The following MBNL1 variants were observed in gnomAD, a reference collection of about 807,000 sequenced individuals.
MBNL1 encodes the protein muscleblind-like protein 1.
In MBNL1, 8 loss-of-function variants were observed where a neutral mutation model predicts 42.2. The observed-to-expected ratio is 0.19, with a 90% confidence interval of 0.11 to 0.34. The LOEUF (loss-of-function observed/expected upper bound fraction) is 0.34. Among genes scored for constraint, MBNL1 ranks in the 10% least tolerant of loss-of-function variants. MBNL1 has a pLI of 1.00. For synonymous variants in MBNL1, 169 were observed against 173.9 expected (o/e 0.97, Z 0.22); for missense variants, 309 against 495.3 (o/e 0.62, Z 3.57).
At chr3:152,358,457 A>G (rs1195250546) in intron 2 of MBNL1, among the ~76,000 whole-genome samples, 2 of 152,192 alleles carry the variant, frequency 1.3e-5, no homozygotes, top group Non-Finnish European at 2.9e-5. Context: ...AAGGATAGAA[A>G]AGAGAGCAAG....
At chr3:152,304,704 A>C (rs1339061607) in intron 2 of MBNL1, among the ~76,000 whole-genome samples, 1 of 152,214 alleles carries the variant, frequency 6.6e-6, no homozygotes, top group Non-Finnish European at 1.5e-5. Flanking sequence ...GTTTCATATA[A>C]AAGGTCCCTA....
At chr3:152,345,836 CA>C (rs1383537675) in intron 2 of MBNL1, among the ~76,000 whole-genome samples, 1 of 152,008 alleles carries the variant, frequency 6.6e-6, no homozygotes. Flanking sequence ...TTTTGAGCTT[CA>C]GATTTCTAAT....
At chr3:152,391,262 T>C (rs890600632) in intron 2 of MBNL1, among the ~76,000 whole-genome samples, 13 of 152,212 alleles carry the variant, frequency 8.5e-5, no homozygotes, top group African/African-American at 3.1e-4. Context: ...CAGCATAATA[T>C]TACACATTAA....
At chr3:152,409,075 T>C (rs539977667) in intron 2 of MBNL1, among the ~76,000 whole-genome samples, 28 of 152,234 alleles carry the variant, frequency 1.8e-4, no homozygotes, top group Admixed American at 3.3e-4. Context: ...GATGCAGTTA[T>C]TTTCAGTACT....
intron 7 of MBNL1, among the ~76,000 whole-genome samples, chr3:152,455,781 A>G (rs1426103685): frequency 6.6e-6 from 1 of 152,188 alleles, no homozygotes; most frequent in African/African-American, 2.4e-5. Context: ...TCCTTTAGTC[A>G]CCTTTGGTGG....
At chr3:152,344,107 C>T (rs2093820558) in intron 2 of MBNL1, among the ~76,000 whole-genome samples, 1 of 151,940 alleles carries the variant, frequency 6.6e-6, no homozygotes, top group Admixed American at 6.6e-5. Flanking sequence ...TGTTTTTTAA[C>T]TATAATTTTA....
At chr3:152,310,545 T>C (rs1271465348) in intron 2 of MBNL1, among the ~76,000 whole-genome samples, 1 of 152,238 alleles carries the variant, frequency 6.6e-6, no homozygotes, top group Non-Finnish European at 1.5e-5. Context: ...ATTAGACTGT[T>C]GTACATACGT....
intron 2 of MBNL1, among the ~76,000 whole-genome samples, chr3:152,374,780 C>T (rs1195239662): frequency 3.3e-5 from 5 of 152,174 alleles, no homozygotes; most frequent in African/African-American, 7.2e-5. Flanking sequence ...TATAAATTGC[C>T]ACACCCACTG....
intron 2 of MBNL1, among the ~76,000 whole-genome samples, chr3:152,318,234 T>C (rs567442515): frequency 6.6e-6 from 1 of 152,306 alleles, no homozygotes; most frequent in Non-Finnish European, 1.5e-5. Context: ...GAAAAACAGG[T>C]CACCGTTGGA....
chr3:152,319,129 A>G (rs764247039), intron 2 of MBNL1, among the ~76,000 whole-genome samples: 3 of 152,134 alleles, frequency 2.0e-5, no homozygotes, highest in Non-Finnish European at 4.4e-5. Context: ...GATAACAAAA[A>G]CTTCAGGTGT....
intron 2 of MBNL1, among the ~76,000 whole-genome samples, chr3:152,392,369 G>GATTAAAACCAT (rs2097759372): frequency 6.6e-6 from 1 of 152,184 alleles, no homozygotes; most frequent in African/African-American, 2.4e-5. Flanking sequence ...AACCATTGGA[G>GATTAAAACCAT]TGGTGTTAAT....
intron 2 of MBNL1, chr3:152,262,645 A>T (rs929085144): frequency 1.3e-5 from 2 of 152,234 alleles, no homozygotes; most frequent in Non-Finnish European, 1.5e-5. Context: ...TCTATATGGA[A>T]CAGTGTTACT....
chr3:152,356,326 A>G (rs541510217), intron 2 of MBNL1, among the ~76,000 whole-genome samples: 1 of 152,192 alleles, frequency 6.6e-6, no homozygotes, highest in African/African-American at 2.4e-5. Context: ...TGTGCCACCA[A>G]TAGCACTAAA....
chr3:152,461,913 C>CT (rs369896535), intron 9 of MBNL1, among the ~76,000 whole-genome samples: 8 of 151,100 alleles, frequency 5.3e-5, no homozygotes, highest in African/African-American at 1.2e-4. Context: ...AAGTATCATT[C>CT]TTTTTTTTTC....
intron 2 of MBNL1, among the ~76,000 whole-genome samples, chr3:152,403,022 C>T (rs941904181): frequency 1.3e-5 from 2 of 152,146 alleles, no homozygotes; most frequent in Admixed American, 6.5e-5. Context: ...CACCTGTTTT[C>T]AGCACAGGTA....
chr3:152,458,200 G>A (rs1447094839), intron 8 of MBNL1: 4 of 1,613,436 alleles, frequency 2.5e-6, no homozygotes, highest in Non-Finnish European at 3.4e-6. Flanking sequence ...AATGGTATGA[G>A]AAGCTTCATT....
At chr3:152,438,406 C>T (rs561131596) in intron 4 of MBNL1, among the ~76,000 whole-genome samples, 1 of 152,334 alleles carries the variant, frequency 6.6e-6, no homozygotes, top group African/African-American at 2.4e-5. Context: ...CAGAAAGATA[C>T]ATCCCCTTAT....
chr3:152,298,578 C>T (rs2059570677), intron 1 of MBNL1, among the ~76,000 whole-genome samples: 1 of 152,228 alleles, frequency 6.6e-6, no homozygotes, highest in Non-Finnish European at 1.5e-5. Context: ...CTTATTTTCC[C>T]CACATGACCT....
intron 1 of MBNL1, among the ~76,000 whole-genome samples, chr3:152,271,474 T>G (rs114500875): frequency 2.6e-5 from 4 of 152,340 alleles, no homozygotes; most frequent in Non-Finnish European, 4.4e-5. Context: ...GGCCTGTATT[T>G]GATAGATCTA....
Sources: allele counts gnomAD v4.1 joint callset (sites outside exome capture counted in the v4.1 genomes callset), GRCh38; gene constraint gnomAD v4.1.1; transcripts MANE v1.5; gene names NCBI Gene and HGNC (gene_info 2026-07-23, HGNC 2026-07-21).